Variants in C7 observed in about 807,000 individuals in gnomAD.
The protein encoded by C7 is complement component C7.
Under a neutral mutation model 104.8 loss-of-function variants are expected in C7, and 83 were observed. The observed-to-expected ratio is 0.79, with a 90% CI of 0.66 to 0.95. The LOEUF (loss-of-function observed/expected upper bound fraction) is 0.95, where lower values mean the gene tolerates loss of function less well. Among genes scored for constraint, C7 ranks in the 40% least tolerant of loss-of-function variants. The pLI is 0.00. For missense variants in C7, 1,070 were observed against 1,011.2 expected (o/e 1.06, Z -0.79); for synonymous variants, 415 against 360.6 (o/e 1.15, Z -1.71).
chr5:40,976,475 G>A (rs1020504325), intron 15 of C7, among the ~76,000 whole-genome samples: 19 of 152,098 alleles, frequency 1.2e-4, no homozygotes, highest in African/African-American at 4.6e-4. Flanking sequence ...TGTTAGGGAG[G>A]CATGAATATC....
intron 1 of C7, among the ~76,000 whole-genome samples, chr5:40,917,045 G>A (rs972500769): frequency 2.7e-5 from 4 of 150,932 alleles, no homozygotes; most frequent in African/African-American, 9.7e-5. Context: ...TGAGGCAAGA[G>A]AATCACTTGA....
In C7 at chr5:40,980,865, T is replaced by A. The variant is rs534474880; in HGVS notation, c.2351-527T>A. ...ACCATTGTCTGCTGGCTGACCTTGT[T>A]ACTCATCTTTGGAAGACTCCTGGCT... On this transcript the variant is annotated intron_variant, in intron 17 of 17. Transcript: ENST00000313164. Among the ~76,000 whole-genome samples the A allele has an allele frequency of 2.6e-5, 4 of 152,358 alleles. No individual in the cohort carries two copies. The South Asian group carries it at 8.3e-4, about 32-fold the overall frequency.
At chr5:40,949,790 TC>T in intron 8 of C7, 113 bp from the exon 9 acceptor site, 1 of 691,406 alleles carries the variant, frequency 1.4e-6, no homozygotes, top group South Asian at 1.7e-5. Flanking sequence ...ATCATGTCAC[TC>T]TTGATTAGAT....
intron 1 of C7, among the ~76,000 whole-genome samples, chr5:40,922,372 C>A (rs1739456413): frequency 4.5e-5 from 2 of 44,712 alleles, no homozygotes; most frequent in Middle Eastern, 0.019. Flanking sequence ...GAGACTCTGT[C>A]TCAAAAAAAA....
intron 14 of C7, among the ~76,000 whole-genome samples, chr5:40,970,352 A>G (rs1239337762): frequency 6.6e-6 from 1 of 152,074 alleles, no homozygotes; most frequent in Non-Finnish European, 1.5e-5. Flanking sequence ...ATGAATTCTG[A>G]CTTGCTGTTT....
chr5:40,975,639 C>T (rs527431933), intron 15 of C7, among the ~76,000 whole-genome samples: 1 of 152,230 alleles, frequency 6.6e-6, no homozygotes, highest in Non-Finnish European at 1.5e-5. Flanking sequence ...GCTGAGATTA[C>T]GGGCGTGAGC....
intron 14 of C7, among the ~76,000 whole-genome samples, chr5:40,965,299 C>A (rs1740518986): frequency 6.6e-6 from 1 of 152,188 alleles, no homozygotes; most frequent in Admixed American, 6.6e-5. Context: ...TTCCATCTCT[C>A]TTGCAATATA....
chr5:40,979,898 G>A lies in C7; in HGVS notation c.2339G>A (p.Gly780Glu), dbSNP rs368055535. Reference sequence around the variant, plus strand: ...GCTTGTGGTGCCTGCCCACTGTGGGGAAAATGTGATGGTAAGGGGCCTTTC... The same window carrying A: ...GCTTGTGGTGCCTGCCCACTGTGGGAAAAATGTGATGGTAAGGGGCCTTTC... ...EKACGACPLW[G>E]KCDAESSKCV... The change falls in exon 17 of 18, where the codon GGA becomes GAA. Residue 780 changes from glycine (G) to glutamate (E), a missense_variant. Physicochemically the swap from Gly to Glu is moderately conservative, Grantham distance 98. Coordinates refer to ENST00000313164, the MANE Select transcript of C7 (RefSeq NM_000587.4). The A allele has an allele frequency of 2.5e-6, 4 of 1,586,950 alleles. No individual in the cohort carries two copies. The African/African-American group carries it at 4.0e-5, about 16-fold the overall frequency.
At chr5:40,944,827 G>C (rs1246342451) in intron 6 of C7, among the ~76,000 whole-genome samples, 1 of 152,156 alleles carries the variant, frequency 6.6e-6, no homozygotes, top group Non-Finnish European at 1.5e-5. Flanking sequence ...TTGCATCTCT[G>C]TTCCTCTTTG....
chr5:40,913,472 C>T (rs1413563345), intron 1 of C7, among the ~76,000 whole-genome samples: 1 of 151,976 alleles, frequency 6.6e-6, no homozygotes, highest in Non-Finnish European at 1.5e-5. Context: ...CTTATCTCTG[C>T]ATTCCTACCA....
chr5:40,958,995 A>C lies in C7; in HGVS notation c.1490-454A>C, dbSNP rs192627944. 1.1e-3 allele frequency among the ~76,000 whole-genome samples: 164 copies of C among 152,254 alleles called. 2 individuals are homozygous for C. The highest frequency in any genetic ancestry group is 3.8e-3 in the African/African-American group (157 of 41,546). On this transcript the variant is annotated intron_variant, in intron 11 of 17. Coordinates refer to ENST00000313164, the MANE Select transcript of C7 (RefSeq NM_000587.4). ...CATTACAAAGGCATCCTTATCCCTA[A>C]ATGTCTCTCCAAGTGGCCTGTTCTG...
At chr5:40,933,724 G>A (rs1293417350) in intron 3 of C7, among the ~76,000 whole-genome samples, 1 of 152,078 alleles carries the variant, frequency 6.6e-6, no homozygotes, top group Non-Finnish European at 1.5e-5. Context: ...TTAGCTGAAA[G>A]GAATCACCAT....
intron 16 of C7, among the ~76,000 whole-genome samples, chr5:40,977,762 G>T (rs887551806): frequency 6.6e-6 from 1 of 152,180 alleles, no homozygotes; most frequent in African/African-American, 2.4e-5. Flanking sequence ...CAGGCAGGTG[G>T]AGAAGAGTGG....
chr5:40,956,245 C>T (rs983859178), intron 10 of C7, among the ~76,000 whole-genome samples: 1 of 152,100 alleles, frequency 6.6e-6, no homozygotes, highest in African/African-American at 2.4e-5. Context: ...TGGTGCATTA[C>T]CTAGAAAAAG....
intron 11 of C7, 102 bp downstream of exon 11, chr5:40,958,363 G>A (rs1049079488): frequency 1.1e-4 from 72 of 657,570 alleles, no homozygotes; most frequent in Non-Finnish European, 1.7e-4. Context: ...AAGAGATGAA[G>A]TCTCAAATGA....
chr5:40,972,632 C>T (rs757670697), intron 15 of C7, 38 bp downstream of exon 15: 1 of 1,524,908 alleles, frequency 6.6e-7, no homozygotes, highest in Non-Finnish European at 8.9e-7. Context: ...ACACTTGTAC[C>T]CAGGCAAGTG....
chr5:40,936,259 G>A, intron 4 of C7, 79 bp from the exon 5 acceptor site: 1 of 1,371,144 alleles, frequency 7.3e-7, no homozygotes, highest in Non-Finnish European at 1.0e-6. Flanking sequence ...ACAGGTAGCA[G>A]GAAAACCCTT....
chr5:40,910,819 A>C (rs1054625605), intron 1 of C7, among the ~76,000 whole-genome samples: 1 of 151,310 alleles, frequency 6.6e-6, no homozygotes, highest in African/African-American at 2.4e-5. Context: ...AAAAAAAACA[A>C]GAAAAGAAAA....
intron 1 of C7, among the ~76,000 whole-genome samples, chr5:40,915,107 C>A (rs765751776): frequency 2.0e-5 from 3 of 152,102 alleles, no homozygotes; most frequent in Non-Finnish European, 4.4e-5. Flanking sequence ...ATCATTTGTG[C>A]CAGAGTACAG....
Sources: allele counts gnomAD v4.1 joint callset (sites outside exome capture counted in the v4.1 genomes callset), GRCh38; gene constraint gnomAD v4.1.1; transcripts MANE v1.5; gene names NCBI Gene and HGNC (gene_info 2026-07-23, HGNC 2026-07-21).